The following STK38L variants were observed in gnomAD, a reference collection of about 807,000 sequenced individuals.
STK38L encodes serine/threonine-protein kinase 38-like.
A neutral mutation model predicts 59.7 loss-of-function variants in STK38L; 28 were observed. The ratio of observed to expected loss-of-function variants is 0.47; its 90% CI spans 0.35 to 0.64. The LOEUF (loss-of-function observed/expected upper bound fraction) is 0.64, where lower values mean the gene tolerates loss of function less well. STK38L is among the 30% of genes least tolerant of loss of function. The probability of loss-of-function intolerance (pLI) is 0.01; values close to 1 mark genes in which losing one functional copy is unlikely to be tolerated. For synonymous variants in STK38L, 162 were observed against 176.8 expected (o/e 0.92, Z 0.66); for missense variants, 314 against 555.8 (o/e 0.56, Z 4.37).
chr12:27,262,836 T>C (rs2136611082), intron 1 of STK38L, among the ~76,000 whole-genome samples: 1 of 151,444 alleles, frequency 6.6e-6, no homozygotes, highest in Non-Finnish European at 1.5e-5. Flanking sequence ...TCTTACTCTG[T>C]TGCCCAGGCT....
At chr12:27,313,371 GTT>G (rs1944505678) in intron 6 of STK38L, among the ~76,000 whole-genome samples, 1 of 131,686 alleles carries the variant, frequency 7.6e-6, no homozygotes, top group South Asian at 2.3e-4. Context: ...TCTGGGTTTT[GTT>G]TTGTTTTGTT....
intron 1 of STK38L, among the ~76,000 whole-genome samples, chr12:27,288,343 C>T (rs1231710444): frequency 6.6e-6 from 1 of 152,018 alleles, no homozygotes; most frequent in Non-Finnish European, 1.5e-5. Context: ...AAAAATCTTT[C>T]GTCTTACTTT....
At chr12:27,318,114 C>A in intron 11 of STK38L, 95 bp downstream of exon 11, 2 of 1,427,630 alleles carry the variant, frequency 1.4e-6, no homozygotes, top group Non-Finnish European at 1.9e-6. Context: ...AGAGGGGATA[C>A]CACTGATGTA....
At chr12:27,254,130 A>G (rs1943036499) in intron 1 of STK38L, among the ~76,000 whole-genome samples, 1 of 152,246 alleles carries the variant, frequency 6.6e-6, no homozygotes, top group South Asian at 2.1e-4. Flanking sequence ...TGTTGTATAA[A>G]GAGAATGCTG....
At chr12:27,249,882 A>G (rs538119048) in intron 1 of STK38L, among the ~76,000 whole-genome samples, 46 of 152,182 alleles carry the variant, frequency 3.0e-4, no homozygotes, top group African/African-American at 1.1e-3. Flanking sequence ...GTTATTTACT[A>G]TCTCTCCAGC....
At chr12:27,314,386 G>A (rs1944532915) in intron 6 of STK38L, 118 bp from the exon 7 acceptor site, 1 of 822,362 alleles carries the variant, frequency 1.2e-6, no homozygotes, top group Non-Finnish European at 1.7e-6. Flanking sequence ...AGGCAACAGA[G>A]TGAGACTCTG....
chr12:27,254,525 A>G (rs1012166008), intron 1 of STK38L, among the ~76,000 whole-genome samples: 1 of 152,186 alleles, frequency 6.6e-6, no homozygotes, highest in African/African-American at 2.4e-5. Context: ...TCTTTTTTAC[A>G]TAGATTTACT....
rs1368758194 is a variant in STK38L, at chr12:27,252,354, GA to G, written c.-12+8025del. On this transcript the variant is annotated intron_variant, in intron 1 of 13. Transcript: ENST00000389032. ...AAGCTGCAAGTAGTATTCACTTCTG[GA>G]AAGTGATAATGTTTGAGAGCTCAGA... 2.5e-3 allele frequency among the ~76,000 whole-genome samples: 387 copies of G among 152,322 alleles called. 2 individuals carry two copies. The highest frequency in any genetic ancestry group is 8.9e-3 in the African/African-American group (369 of 41,570).
intron 3 of STK38L, among the ~76,000 whole-genome samples, chr12:27,305,995 G>C (rs1378944651): frequency 6.6e-6 from 1 of 151,942 alleles, no homozygotes; most frequent in Non-Finnish European, 1.5e-5. Flanking sequence ...TTTTTAACAT[G>C]AATTTGATTC....
chr12:27,269,598 G>A (rs1250224528), intron 1 of STK38L, among the ~76,000 whole-genome samples: 1 of 152,120 alleles, frequency 6.6e-6, no homozygotes, highest in East Asian at 1.9e-4. Flanking sequence ...TCATAACCAT[G>A]ACATATTCAT....
Position 27,308,288 on chromosome 12 carries a change from C to T in STK38L, c.187-51C>T, listed in dbSNP as rs1195427053. 2.8e-6 allele frequency: 4 copies of T among 1,442,524 alleles called. 1 individual carries two copies. The South Asian group carries it at 5.8e-5, about 21-fold the overall frequency. The allele number at this position is 1,442,524 out of a possible 1,614,324, so 89.4% of individuals were successfully genotyped here. A position where few individuals can be genotyped will look rare whatever the true frequency, so the allele number is the denominator to read the frequency against. On this transcript the variant is annotated intron_variant, in intron 3 of 13. Transcript: ENST00000389032. This position sits in a 1 kb window ranked among gnomAD's most constrained non-coding sequence, Gnocchi z 4.5. ...CATCTTTTAATACTAGAAGCTCCAT[C>T]AAAACAACCTAATTATAAAATCATC...
Position 27,322,702 on chromosome 12 carries a change from G to C in STK38L, c.*247G>C. ...ATTATATGAAGGTACTGGAATAAAA[G>C]GAACAGACATCCCTTTCTAACTGCA... On this transcript the variant is annotated 3_prime_UTR_variant, in exon 14 of 14. Transcript: ENST00000389032. 2.9e-6 allele frequency: 1 copy of C among 344,520 alleles called. No individual in the cohort carries two copies. The highest frequency in any genetic ancestry group is 5.1e-6 in the Non-Finnish European group (1 of 195,342). 21.3% of individuals were successfully genotyped at this position (344,520 alleles called of 1,614,324 possible).
intron 1 of STK38L, among the ~76,000 whole-genome samples, chr12:27,270,643 G>A (rs1943403884): frequency 6.6e-6 from 1 of 152,088 alleles, no homozygotes; most frequent in African/African-American, 2.4e-5. Flanking sequence ...CTCCCAAAGT[G>A]CTGGGATTAC....
chr12:27,324,963 A>C lies in STK38L; in HGVS notation c.*2508A>C, dbSNP rs1414095194. ...TAAATTAGACTCTATTTTGAATTAAAAGAGTTTTATTATAAACCGTGTGTT... is the reference window on the plus strand; with the variant it reads ...TAAATTAGACTCTATTTTGAATTAACAGAGTTTTATTATAAACCGTGTGTT... On this transcript the variant is annotated 3_prime_UTR_variant, in exon 14 of 14. Coordinates refer to ENST00000389032, the MANE Select transcript of STK38L (RefSeq NM_015000.4). 2.6e-5 allele frequency: 4 copies of C among 152,278 alleles called. No homozygotes were observed. The East Asian group carries it at 7.7e-4, about 29-fold the overall frequency. 9.4% of individuals were successfully genotyped at this position (152,278 alleles called of 1,614,324 possible).
chr12:27,311,609 C>T (rs1000080899), intron 5 of STK38L, among the ~76,000 whole-genome samples: 2 of 152,112 alleles, frequency 1.3e-5, no homozygotes, highest in African/African-American at 4.8e-5. Context: ...CAGTCTATAA[C>T]ATTTTCACAT....
chr12:27,275,204 A>G (rs1565532102), intron 1 of STK38L, among the ~76,000 whole-genome samples: 1 of 151,994 alleles, frequency 6.6e-6, no homozygotes, highest in Non-Finnish European at 1.5e-5. Flanking sequence ...GCCCCTTCAT[A>G]CAAAATTATT....
At chr12:27,271,820 C>G (rs182521684) in intron 1 of STK38L, among the ~76,000 whole-genome samples, 11 of 152,306 alleles carry the variant, frequency 7.2e-5, no homozygotes, top group Non-Finnish European at 1.6e-4. Context: ...CTGCCTCAGC[C>G]TCCCGAGTAG....
At chr12:27,255,581 A>G (rs1424785593) in intron 1 of STK38L, among the ~76,000 whole-genome samples, 3 of 152,232 alleles carry the variant, frequency 2.0e-5, no homozygotes, top group African/African-American at 7.2e-5. Flanking sequence ...CCTGTACATC[A>G]TCTCCAACAA....
intron 11 of STK38L, among the ~76,000 whole-genome samples, chr12:27,318,371 A>G (rs962247205): frequency 2.6e-5 from 4 of 152,212 alleles, no homozygotes; most frequent in Non-Finnish European, 4.4e-5. Context: ...CTAAGCAAAA[A>G]ATTCCATGTG....
Sources: gnomAD v4.1 joint callset for allele counts (sites outside exome capture counted in the v4.1 genomes callset) on GRCh38, gnomAD v4.1.1 for gene constraint, Gnocchi (gnomAD v3.1) non-coding constraint, MANE v1.5 for transcripts, NCBI Gene and HGNC (gene_info 2026-07-23, HGNC 2026-07-21) for gene names.